Variants in CEBPE observed in about 807,000 individuals in gnomAD.
The protein encoded by CEBPE is CCAAT/enhancer-binding protein epsilon.
A neutral mutation model predicts 20.4 loss-of-function variants in CEBPE; 10 were observed. That is an observed-to-expected ratio of 0.49 (90% CI 0.30 to 0.83). CEBPE has a LOEUF of 0.83. Among genes scored for constraint, CEBPE ranks in the 40% least tolerant of loss-of-function variants. The pLI, the probability that CEBPE is intolerant of heterozygous loss-of-function variation, is 0.06. For synonymous variants in CEBPE, 179 were observed against 162.6 expected (o/e 1.10, Z -0.77); for missense variants, 389 against 383.3 (o/e 1.01, Z -0.12).
chr14:23,117,902 G>A (rs2048517788), intron 1 of CEBPE, 80 bp from the exon 2 acceptor site: 1 of 1,128,716 alleles, frequency 8.9e-7, no homozygotes, highest in African/African-American at 1.5e-5. Context: ...AATCTCGGCA[G>A]CCAGGGCACA....
In CEBPE at chr14:23,118,493, G is replaced by A. The variant is rs2048520472; in HGVS notation, c.510+89C>T. 12 of 1,475,588 alleles carry A rather than the reference G, an allele frequency of 8.1e-6. No homozygotes were observed. The highest frequency in any genetic ancestry group is 2.5e-5 in the East Asian group (1 of 40,570). The allele number at this position is 1,475,588 out of a possible 1,614,324, so 91.4% of individuals were successfully genotyped here. A position where few individuals can be genotyped will look rare whatever the true frequency, so the allele number is the denominator to read the frequency against. ...TTTCACAGAGCGACACCAAGCACAG[G>A]CTCAGCAGCATGAGCCGGGGCACAG... On this transcript the variant is annotated intron_variant, in intron 1 of 1. Transcript: ENST00000206513. The surrounding 1 kb of genome is among the most constrained non-coding windows in gnomAD (Gnocchi z 5.5).
rs2048526524 is a variant in CEBPE at position 23,119,101 on chromosome 14, GC to G, written c.-11del. On this transcript the variant is annotated 5_prime_UTR_variant, in exon 1 of 2. Transcript: ENST00000206513. Reference sequence around the variant, plus strand: ...AGGTCCCGTGGGACATGGCCGGCCCGCCCCCTCGGCTCCCCGCCCCCACCTG... The same window carrying G: ...AGGTCCCGTGGGACATGGCCGGCCCGCCCCTCGGCTCCCCGCCCCCACCTG... 7 of 1,487,912 alleles carry G rather than the reference GC, an allele frequency of 4.7e-6. No homozygotes were observed. Among genetic ancestry groups the G allele is most frequent in the Non-Finnish European group, 3.6e-6 (4 of 1,101,136 alleles). The allele number at this position is 1,487,912 out of a possible 1,614,324, so 92.2% of individuals were successfully genotyped here.
chr14:23,118,589 A>C lies in CEBPE; in HGVS notation c.503T>G (p.Val168Gly). Residue 168 changes from valine (V) to glycine (G), a missense_variant, in exon 1 of 2, where the codon GTT becomes GGT. Coordinates refer to ENST00000206513, the MANE Select transcript of CEBPE (RefSeq NM_001805.4). The surrounding 1 kb of genome is among the most constrained non-coding windows in gnomAD (Gnocchi z 5.5). ...TLAAPGQPLRVLKAPLATAAP... is the reference protein window; with the variant it reads ...TLAAPGQPLRGLKAPLATAAP... ...GGGCTGGCCTGCTCTTACCTTGAGA[A>C]CGCGCAGAGGCTGGCCGGGTGCTGC... The C allele has an allele frequency of 6.2e-7, 1 of 1,608,110 alleles. No homozygotes were observed. The highest frequency in any genetic ancestry group is 8.5e-7 in the Non-Finnish European group (1 of 1,179,662).
In CEBPE at chr14:23,117,505, G is replaced by A. The variant is rs143753215; in HGVS notation, c.828C>T (p.Gly276=). Residue 276 remains glycine, a synonymous_variant, in exon 2 of 2, where the codon GGC becomes GGT. Transcript: ENST00000206513. The stretch of plus-strand genomic sequence containing the variant: ...GCCAGCCTCAGCTGCAACCCCCCAC[G>A]CCCTTGATGAGGTTGGCCGCCTCAG... ...QIPEAANLIK[G]VGGCS 49 of 1,612,814 alleles carry A rather than the reference G, an allele frequency of 3.0e-5. No individual in the cohort carries two copies. In the African/African-American group the frequency reaches 4.4e-4, roughly 15 times the overall value.
In CEBPE at chr14:23,119,042, G is replaced by C; in HGVS notation, c.50C>G (p.Pro17Arg). 1 of 1,612,042 alleles carries C rather than the reference G, an allele frequency of 6.2e-7. No individual in the cohort carries two copies. Among genetic ancestry groups the C allele is most frequent in the Non-Finnish European group, 8.5e-7 (1 of 1,179,708 alleles). Residue 17 changes from proline (P) to arginine (R), a missense_variant, in exon 1 of 2, where the codon CCA (proline) becomes CGA (arginine). Pro to Arg is a moderately radical substitution (Grantham distance 103, BLOSUM62 -2). This residue lies in a region of CEBPE where 294 missense variants were observed against 279.7 expected (regional missense o/e 1.05). Transcript: ENST00000206513. ...YECEPRGGQQ[P>R]LEFSGGRAGP... The stretch of plus-strand genomic sequence containing the variant: ...AGCTCGGCCCCCTGAGAACTCGAGT[G>C]GCTGCTGGCCACCCCGGGGCTCACA...
chr14:23,118,547 C>A lies in CEBPE; in HGVS notation c.510+35G>T. The A allele has an allele frequency of 6.3e-7, 1 of 1,587,606 alleles. No homozygotes were observed. The highest frequency in any genetic ancestry group is 1.1e-5 in the South Asian group (1 of 88,766). On this transcript the variant is annotated intron_variant, in intron 1 of 1. Transcript: ENST00000206513. The surrounding 1 kb of genome is among the most constrained non-coding windows in gnomAD (Gnocchi z 5.5). ...CCTGTCCACACCAGCCTCTCCAGCCCCGGGCAGGAGGGAGGAGGGCTGGCC... is the reference window on the plus strand; with the variant it reads ...CCTGTCCACACCAGCCTCTCCAGCCACGGGCAGGAGGGAGGAGGGCTGGCC...
Position 23,118,777 on chromosome 14 carries a change from G to T in CEBPE, c.315C>A (p.Gly105=). 1 of 1,612,860 alleles carries T rather than the reference G, an allele frequency of 6.2e-7. No individual in the cohort carries two copies. The highest frequency in any genetic ancestry group is 1.1e-5 in the South Asian group (1 of 91,020). ...CGTAGCTCCCTGGGCTGCTGTAGAT[G>T]CCAGGCCCCAGCGCCTTCCTGTCTG... ...FGPDRKALGP[G]IYSSPGSYDP... is the part of the protein sequence containing the mutation. Residue 105 remains glycine, a synonymous_variant, in exon 1 of 2, where the codon GGC becomes GGA. Transcript: ENST00000206513. The surrounding 1 kb of genome is among the most constrained non-coding windows in gnomAD (Gnocchi z 5.5).
At position 23,117,686 on chromosome 14, in the gene CEBPE, ATGT is replaced by A; in HGVS notation, c.644_646del (p.Asn215del). 6.2e-7 allele frequency: 1 copy of A among 1,613,914 alleles called. No individual in the cohort carries two copies. The highest frequency in any genetic ancestry group is 1.3e-5 in the African/African-American group (1 of 74,968). ...CTTGTCTCGGCTCTTGCGCACGGCG[ATGT>A]TGTTGCGCTCCCGCCTCAGCCGGTA... is the stretch of plus-strand genomic sequence containing the variant. On this transcript the variant is annotated inframe_deletion, in exon 2 of 2. Coordinates refer to ENST00000206513, the MANE Select transcript of CEBPE (RefSeq NM_001805.4).
In CEBPE at chr14:23,118,711, T is replaced by C; in HGVS notation, c.381A>G (p.Pro127=). The change falls in exon 1 of 2, where the codon CCA becomes CCG. Residue 127 remains proline (P), a synonymous_variant. Transcript: ENST00000206513. The surrounding 1 kb of genome is among the most constrained non-coding windows in gnomAD (Gnocchi z 5.5). ...AVAVKEEPRG[P]EGSRAASRGS... The stretch of plus-strand genomic sequence containing the variant: ...CTCGGCTGGCAGCTCGGCTGCCCTC[T>C]GGCCCCCGGGGCTCCTCCTTCACCG... 2 of 1,613,468 alleles carry C rather than the reference T, an allele frequency of 1.2e-6. No homozygotes were observed. Among genetic ancestry groups the C allele is most frequent in the South Asian group, 1.1e-5 (1 of 91,062 alleles).
chr14:23,119,101 G>GC lies in CEBPE; in HGVS notation c.-11dup. Reference sequence around the variant, plus strand: ...AGGTCCCGTGGGACATGGCCGGCCCGCCCCCTCGGCTCCCCGCCCCCACCT... The same window carrying GC: ...AGGTCCCGTGGGACATGGCCGGCCCGCCCCCCTCGGCTCCCCGCCCCCACCT... On this transcript the variant is annotated 5_prime_UTR_variant, in exon 1 of 2. Coordinates refer to ENST00000206513, the MANE Select transcript of CEBPE (RefSeq NM_001805.4). The GC allele has an allele frequency of 5.4e-6, 8 of 1,487,710 alleles. No individual in the cohort carries two copies. Among genetic ancestry groups the GC allele is most frequent in the Non-Finnish European group, 7.3e-6 (8 of 1,101,008 alleles). The allele number at this position is 1,487,710 out of a possible 1,614,324, so 92.2% of individuals were successfully genotyped here. A position where few individuals can be genotyped will look rare whatever the true frequency, so the allele number is the denominator to read the frequency against.
chr14:23,118,954 G>A lies in CEBPE; in HGVS notation c.138C>T (p.Ile46=), dbSNP rs201515929. 3.1e-6 allele frequency: 5 copies of A among 1,613,958 alleles called. No individual in the cohort carries two copies. The highest frequency in any genetic ancestry group is 4.2e-6 in the Non-Finnish European group (5 of 1,179,978). The stretch of plus-strand genomic sequence containing the variant: ...AGAGAAGCTGCTCTTCCCCAGACTC[G>A]ATGTAGGCGGAGAGGTCAATGGAGG... ...HEASIDLSAY[I]ESGEEQLLSD... The change falls in exon 1 of 2, where the codon ATC becomes ATT. Residue 46 remains isoleucine (I), a synonymous_variant. Transcript: ENST00000206513. The surrounding 1 kb of genome is among the most constrained non-coding windows in gnomAD (Gnocchi z 5.5).
In CEBPE at chr14:23,117,805, G is replaced by A. The variant is rs749832978; in HGVS notation, c.528C>T (p.Ala176=). 5.6e-6 allele frequency: 9 copies of A among 1,605,594 alleles called. No individual in the cohort carries two copies. The highest frequency in any genetic ancestry group is 2.2e-5 in the East Asian group (1 of 44,734). Residue 176 remains alanine (A), a synonymous_variant, in exon 2 of 2, where the codon GCC becomes GCT. Coordinates refer to ENST00000206513, the MANE Select transcript of CEBPE (RefSeq NM_001805.4). ...TCAGGAGGGGACTGCAGGGGGGTGC[G>A]GCAGTGGCCAAAGGGGCCTGGAGGG... ...LRVLKAPLAT[A]APPCSPLLKA... is the part of the protein sequence containing the mutation.
In CEBPE at chr14:23,117,385, A is replaced by G; in HGVS notation, c.*102T>C. The G allele has an allele frequency of 7.9e-7, 1 of 1,272,854 alleles. No homozygotes were observed. 78.8% of individuals were successfully genotyped at this position (1,272,854 alleles called of 1,614,324 possible). ...CTCTTTGCCACCCCGGTTGCCATTT[A>G]TCCATGGTCTATGTCTCAGGGTTCT... is the stretch of plus-strand genomic sequence containing the variant. On this transcript the variant is annotated 3_prime_UTR_variant, in exon 2 of 2. Transcript: ENST00000206513.
At position 23,117,425 on chromosome 14, in the gene CEBPE, A is replaced by G; in HGVS notation, c.*62T>C. On this transcript the variant is annotated 3_prime_UTR_variant, in exon 2 of 2. Transcript: ENST00000206513. Reference sequence around the variant, plus strand: ...CTCAGGGTTCTAGGCCCCCAGCAGGATGGGGGTCCGCAGAGTTAGGCCGTG... The same window carrying G: ...CTCAGGGTTCTAGGCCCCCAGCAGGGTGGGGGTCCGCAGAGTTAGGCCGTG... 1.3e-6 allele frequency: 2 copies of G among 1,521,034 alleles called. No individual in the cohort carries two copies. Among genetic ancestry groups the G allele is most frequent in the Non-Finnish European group, 1.8e-6 (2 of 1,121,638 alleles). 94.2% of individuals were successfully genotyped at this position (1,521,034 alleles called of 1,614,324 possible).
rs1382547076 is a variant in CEBPE, at chr14:23,118,501, G to C, written c.510+81C>G. ...AGCGACACCAAGCACAGGCTCAGCA[G>C]CATGAGCCGGGGCACAGGGTCCTGT... On this transcript the variant is annotated intron_variant, in intron 1 of 1. Coordinates refer to ENST00000206513, the MANE Select transcript of CEBPE (RefSeq NM_001805.4). The surrounding 1 kb of genome is among the most constrained non-coding windows in gnomAD (Gnocchi z 5.5). 34 of 1,482,760 alleles carry C rather than the reference G, an allele frequency of 2.3e-5. No individual in the cohort carries two copies. The highest frequency in any genetic ancestry group is 3.0e-5 in the Non-Finnish European group (33 of 1,107,772). 91.9% of individuals were successfully genotyped at this position (1,482,760 alleles called of 1,614,324 possible).
chr14:23,119,094 C>A lies in CEBPE; in HGVS notation c.-3G>T, dbSNP rs1377298010. On this transcript the variant is annotated 5_prime_UTR_variant, in exon 1 of 2. Coordinates refer to ENST00000206513, the MANE Select transcript of CEBPE (RefSeq NM_001805.4). ...TCGTAGTAGGTCCCGTGGGACATGG[C>A]CGGCCCGCCCCCTCGGCTCCCCGCC... 18 of 1,590,226 alleles carry A rather than the reference C, an allele frequency of 1.1e-5. No individual in the cohort carries two copies. The highest frequency in any genetic ancestry group is 1.5e-5 in the Non-Finnish European group (18 of 1,171,306).
In CEBPE at chr14:23,119,184, T is replaced by G; in HGVS notation, c.-93A>C. The G allele has an allele frequency of 1.2e-6, 1 of 840,420 alleles. No homozygotes were observed. Among genetic ancestry groups the G allele is most frequent in the South Asian group, 1.5e-5 (1 of 65,188 alleles). The allele number at this position is 840,420 out of a possible 1,614,324, so 52.1% of individuals were successfully genotyped here. ...GCCCTCTCTCTACCTCCTCCTGACC[T>G]GGGCCTGCCCTCTCTCGATCTTCTG... On this transcript the variant is annotated 5_prime_UTR_variant, in exon 1 of 2. Transcript: ENST00000206513.
chr14:23,119,080 C>T lies in CEBPE; in HGVS notation c.12G>A (p.Gly4=), dbSNP rs1317856317. 2 of 1,604,512 alleles carry T rather than the reference C, an allele frequency of 1.2e-6. No individual in the cohort carries two copies. The highest frequency in any genetic ancestry group is 1.7e-6 in the Non-Finnish European group (2 of 1,177,916). MSH[G]TYYECEPRGG... is the part of the protein sequence containing the mutation. ...CCCGGGGCTCACACTCGTAGTAGGT[C>T]CCGTGGGACATGGCCGGCCCGCCCC... Residue 4 remains glycine (G), a synonymous_variant, in exon 1 of 2, where the codon GGG becomes GGA. Transcript: ENST00000206513.
chr14:23,117,789 GA>G lies in CEBPE; in HGVS notation c.543del (p.Leu183SerfsTer2). 6.2e-7 allele frequency: 1 copy of G among 1,609,912 alleles called. No individual in the cohort carries two copies. Among genetic ancestry groups the G allele is most frequent in the Non-Finnish European group, 8.5e-7 (1 of 1,178,278 alleles). ...APLATAAPPC[S>X]PLLKAPSPAG... ...GCCGGGGAGGGCGCCTTCAGGAGGG[GA>G]CTGCAGGGGGGTGCGGCAGTGGCCA... On this transcript the variant is annotated frameshift_variant, in exon 2 of 2. Transcript: ENST00000206513. LOFTEE classifies it high-confidence loss of function.
Sources: allele counts gnomAD v4.1 joint callset, GRCh38; gene constraint gnomAD v4.1.1; regional missense constraint gnomAD v4.1.1; non-coding constraint Gnocchi (gnomAD v3.1); transcripts MANE v1.5; gene names NCBI Gene and HGNC (gene_info 2026-07-23, HGNC 2026-07-21).